Variants in TTC13 observed in about 807,000 individuals in gnomAD.
TTC13 encodes tetratricopeptide repeat protein 13.
A neutral mutation model predicts 120.0 loss-of-function variants in TTC13; 62 were observed. That is an observed-to-expected ratio of 0.52 (90% confidence interval 0.42 to 0.64). The LOEUF is 0.64. Ranked by LOEUF, TTC13 falls within the 30% of genes least tolerant of loss-of-function variation. TTC13 has a pLI of 0.00. For missense variants in TTC13, 824 were observed against 1,050.2 expected, an observed-to-expected ratio of 0.78 and a Z score of 2.98; for synonymous variants, 384 against 393.5, an observed-to-expected ratio of 0.98 and a Z score of 0.28.
At chr1:230,921,391 T>C in intron 16 of TTC13, 30 bp downstream of exon 16, 1 of 1,232,626 alleles carries the variant, frequency 8.1e-7, no homozygotes. Flanking sequence ...AATCAACTCA[T>C]TACTAAGAAG....
intron 20 of TTC13, 124 bp from the exon 21 acceptor site, chr1:230,909,144 C>T: frequency 1.3e-6 from 1 of 742,590 alleles, no homozygotes; most frequent in Non-Finnish European, 2.2e-6. Flanking sequence ...AAATAAAACA[C>T]CGAATGTTTC....
chr1:230,936,161 A>G (rs771411454), intron 8 of TTC13: 10 of 456,022 alleles, frequency 2.2e-5, no homozygotes. Context: ...CACTTACAGC[A>G]TGCTTGGACG....
intron 1 of TTC13, among the ~76,000 whole-genome samples, chr1:230,963,898 G>T (rs931236617): frequency 3.9e-5 from 6 of 152,134 alleles, no homozygotes; most frequent in Non-Finnish European, 5.9e-5. Context: ...GAACCCCAAC[G>T]AAAGGCTTTA....
chr1:230,922,899 C>A (rs575595829), intron 15 of TTC13, among the ~76,000 whole-genome samples: 1 of 152,140 alleles, frequency 6.6e-6, no homozygotes, highest in African/African-American at 2.4e-5. Context: ...GGCTGATCTA[C>A]GGTAGCCTTC....
intron 1 of TTC13, among the ~76,000 whole-genome samples, chr1:230,969,009 T>G (rs1400394671): frequency 1.3e-5 from 2 of 152,180 alleles, no homozygotes; most frequent in Non-Finnish European, 2.9e-5. Flanking sequence ...GTGCGGTGGC[T>G]CACGCCTGTA....
At position 230,943,793 on chromosome 1, in the gene TTC13, A is replaced by G. The variant is rs1309918455; in HGVS notation, c.672+13T>C. On this transcript the variant is annotated intron_variant, in intron 6 of 22. Transcript: ENST00000366661. ...TCCAATAATGACAGAGGGAAAAAGA[A>G]AGCCACACTCACTTCTGCTCGCTGC... The G allele has an allele frequency of 6.3e-7, 1 of 1,585,750 alleles. No individual in the cohort carries two copies. The highest frequency in any genetic ancestry group is 1.2e-5 in the South Asian group (1 of 86,206).
chr1:230,918,434 A>G (rs1672254515), intron 17 of TTC13, among the ~76,000 whole-genome samples: 1 of 152,138 alleles, frequency 6.6e-6, no homozygotes. Context: ...GCCTGCCCCA[A>G]TTTCTGCATA....
chr1:230,919,329 T>G (rs890877805), intron 17 of TTC13, among the ~76,000 whole-genome samples: 5 of 151,672 alleles, frequency 3.3e-5, no homozygotes, highest in African/African-American at 1.2e-4. Flanking sequence ...TGCCAGCGTC[T>G]GATGTGAGCC....
At chr1:230,925,081 G>T in intron 13 of TTC13, 108 bp from the exon 14 acceptor site, 1 of 1,385,438 alleles carries the variant, frequency 7.2e-7, no homozygotes. Flanking sequence ...TAAAGGGTCA[G>T]AAGTATTGGT....
intron 17 of TTC13, 28 bp downstream of exon 17, chr1:230,920,482 T>A: frequency 2.6e-6 from 4 of 1,522,484 alleles, no homozygotes; most frequent in Non-Finnish European, 2.7e-6. Context: ...TCTAAAAACA[T>A]GGACTGCCAT....
chr1:230,969,155 G>A lies in TTC13; in HGVS notation c.272-7852C>T, dbSNP rs1426474325. Among the ~76,000 whole-genome samples, 6 of 71,718 alleles carry A rather than the reference G, an allele frequency of 8.4e-5. No homozygotes were observed. In the South Asian group the frequency reaches 3.4e-3, roughly 41 times the overall value. 47.0% of individuals were successfully genotyped at this position (71,718 alleles called of 152,430 possible). On this transcript the variant is annotated intron_variant, in intron 1 of 22. Coordinates refer to ENST00000366661, the MANE Select transcript of TTC13 (RefSeq NM_024525.5). ...CAGGCGCCTGTAGTCCCAGCTATCC[G>A]AGAGGCTGAGGCAGGAGAATGGCGT... is the stretch of plus-strand genomic sequence containing the variant.
rs748187833 is a variant in TTC13 at position 230,945,392 on chromosome 1, T to C, written c.576A>G (p.Leu192=). 50 of 1,613,826 alleles carry C rather than the reference T, an allele frequency of 3.1e-5. No individual in the cohort carries two copies. The highest frequency in any genetic ancestry group is 4.2e-5 in the Non-Finnish European group (49 of 1,179,838). The change falls in exon 5 of 23, where the codon CTA becomes CTG. Residue 192 remains leucine (L), a synonymous_variant. Transcript: ENST00000366661. ...GRGIAYGKKG[L]HDIKNAELAL... is the part of the protein sequence containing the mutation. ...ATCGTAACTATTACATACTCACATG[T>C]AGTCCCTTCTTTCCATAGGCTATCC...
chr1:230,960,408 C>T (rs1676510560), intron 2 of TTC13, among the ~76,000 whole-genome samples: 1 of 152,170 alleles, frequency 6.6e-6, no homozygotes, highest in African/African-American at 2.4e-5. Context: ...CAACTCACTG[C>T]TTTACAAGAC....
Position 230,923,883 on chromosome 1 carries a change from C to T in TTC13, c.1772G>A (p.Arg591Gln), listed in dbSNP as rs201348752. The T allele has an allele frequency of 1.9e-6, 3 of 1,614,014 alleles. No homozygotes were observed. Among genetic ancestry groups the T allele is most frequent in the African/African-American group, 1.3e-5 (1 of 75,052 alleles). Residue 591 changes from arginine (R) to glutamine (Q), a missense_variant, in exon 15 of 23, where the codon CGA (arginine) becomes CAA (glutamine). Physicochemically the swap from Arg to Gln is conservative, Grantham distance 43 (BLOSUM62 1). This residue lies in a region of TTC13 where 430 missense variants were observed against 626.8 expected (regional missense o/e 0.69). Coordinates refer to ENST00000366661, the MANE Select transcript of TTC13 (RefSeq NM_024525.5). ...PVLWLDQMPARSLSRGFNNHI... is the reference protein window; with the variant it reads ...PVLWLDQMPAQSLSRGFNNHI... ...GTTGTTAAAACCTCTGCTAAGACTT[C>T]GTGCTGGCATTTGATCTAACCACAG...
intron 17 of TTC13, among the ~76,000 whole-genome samples, chr1:230,917,751 C>T (rs1346260406): frequency 6.6e-6 from 1 of 151,846 alleles, no homozygotes; most frequent in Admixed American, 6.6e-5. Flanking sequence ...AGTCTTGTAG[C>T]CCACTCTGTT....
rs535356319 is a variant in TTC13 at position 230,919,546 on chromosome 1, T to C, written c.1983+964A>G. On this transcript the variant is annotated intron_variant, in intron 17 of 22. Transcript: ENST00000366661. ...AACACATTCAAACGATGGCATTTAC[T>C]TCTCTAGTAATTAAAGAGTATAGGT... Among the ~76,000 whole-genome samples the C allele has an allele frequency of 3.9e-5, 6 of 152,370 alleles. No homozygotes were observed. In the East Asian group the frequency reaches 1.2e-3, roughly 29 times the overall value.
At chr1:230,919,156 T>C (rs1436658740) in intron 17 of TTC13, among the ~76,000 whole-genome samples, 4 of 152,196 alleles carry the variant, frequency 2.6e-5, no homozygotes, top group Non-Finnish European at 5.9e-5. Context: ...ACCTGGATCA[T>C]ACTATCATAC....
At chr1:230,916,100 A>T (rs1671997031) in intron 18 of TTC13, 93 bp downstream of exon 18, 1 of 937,890 alleles carries the variant, frequency 1.1e-6, no homozygotes, top group African/African-American at 1.6e-5. Context: ...ATGGAGCAAA[A>T]GTTCAACACC....
chr1:230,916,442 G>C, intron 17 of TTC13, 140 bp from the exon 18 acceptor site: 1 of 675,388 alleles, frequency 1.5e-6, no homozygotes, highest in South Asian at 1.7e-5. Context: ...TGGTGGCCTG[G>C]TGGCCAAGGA....
Sources: gnomAD v4.1 joint callset for allele counts (sites outside exome capture counted in the v4.1 genomes callset) on GRCh38, gnomAD v4.1.1 for gene constraint, gnomAD v4.1.1 regional missense constraint, MANE v1.5 for transcripts, NCBI Gene and HGNC (gene_info 2026-07-23, HGNC 2026-07-21) for gene names.